BLTP1: variants seen among roughly 807,000 people sequenced by gnomAD.
BLTP1 encodes the protein bridge-like lipid transfer protein family member 1.
the BLTP1 span, chr4:122,208,079 G>A: frequency 1.3e-5 from 13 of 984,836 alleles, no homozygotes; most frequent in East Asian, 1.0e-3. Context: ...GAACATTTTT[G>A]GTATGGATAA....
At chr4:122,287,369 A>G in the BLTP1 span, among the ~76,000 whole-genome samples, 1 of 152,200 alleles carries the variant, frequency 6.6e-6, no homozygotes, top group African/African-American at 2.4e-5. Context: ...AAGCATTTGG[A>G]CACATTTTTC....
At chr4:122,313,189 G>A in the BLTP1 span, among the ~76,000 whole-genome samples, 1 of 152,086 alleles carries the variant, frequency 6.6e-6, no homozygotes, top group Non-Finnish European at 1.5e-5. Context: ...GATGAATCAT[G>A]TGTCTGACCT....
At chr4:122,232,229 C>G in the BLTP1 span, 11 of 592,168 alleles carry the variant, frequency 1.9e-5, no homozygotes, top group Non-Finnish European at 2.3e-5. Flanking sequence ...GAAAAATACA[C>G]AAAACTTCTG....
chr4:122,171,935 C>G, the BLTP1 span: 1 of 985,206 alleles, frequency 1.0e-6, no homozygotes, highest in Non-Finnish European at 1.2e-6. Context: ...CATATTTTCT[C>G]AGCAAATGCC....
chr4:122,159,282 T>G, the BLTP1 span, among the ~76,000 whole-genome samples: 25 of 151,900 alleles, frequency 1.6e-4, no homozygotes, highest in Non-Finnish European at 3.1e-4. Context: ...GCTAACATGG[T>G]GAAACCCCGT....
At chr4:122,253,975 G>A in the BLTP1 span, among the ~76,000 whole-genome samples, 1 of 152,150 alleles carries the variant, frequency 6.6e-6, no homozygotes, top group Non-Finnish European at 1.5e-5. Context: ...AATCTTTACA[G>A]GCCAGGAGAG....
the BLTP1 span, chr4:122,271,660 C>T: frequency 2.5e-6 from 4 of 1,608,308 alleles, no homozygotes; most frequent in African/African-American, 4.0e-5. Flanking sequence ...TGCTTAACTT[C>T]TATTCACTTA....
the BLTP1 span, chr4:122,244,617 G>A: frequency 1.0e-6 from 1 of 980,642 alleles, no homozygotes; most frequent in Non-Finnish European, 1.2e-6. Flanking sequence ...TGGTGTAGAA[G>A]CGGTTGGGAA....
chr4:122,166,448 C>G, the BLTP1 span, among the ~76,000 whole-genome samples: 2 of 152,136 alleles, frequency 1.3e-5, no homozygotes, highest in Non-Finnish European at 2.9e-5. Flanking sequence ...TGTTTTGGTA[C>G]CAGTACCATG....
At chr4:122,244,002 C>G in the BLTP1 span, 16 of 1,597,664 alleles carry the variant, frequency 1.0e-5, no homozygotes, top group African/African-American at 1.4e-5. Context: ...TGTTTTGACT[C>G]CCCTGGTGGC....
chr4:122,159,697 A>G, the BLTP1 span, among the ~76,000 whole-genome samples: 1 of 152,136 alleles, frequency 6.6e-6, no homozygotes, highest in South Asian at 2.1e-4. Flanking sequence ...GCATCTCTTC[A>G]AGGAAGAGAT....
At chr4:122,344,135 G>C in the BLTP1 span, 1 of 411,262 alleles carries the variant, frequency 2.4e-6, no homozygotes, top group Admixed American at 6.4e-5. Flanking sequence ...TATATTCCAC[G>C]TCAATTCTAG....
chr4:122,295,260 G>T, the BLTP1 span, among the ~76,000 whole-genome samples: 1 of 147,846 alleles, frequency 6.8e-6, no homozygotes, highest in South Asian at 2.1e-4. Flanking sequence ...GAAATGCAGA[G>T]AACCCCAGTA....
chr4:122,277,547 T>A, the BLTP1 span: 1 of 951,240 alleles, frequency 1.1e-6, no homozygotes, highest in Non-Finnish European at 1.3e-6. Context: ...GTTCTAGGCA[T>A]TGGAAAGAGC....
At chr4:122,186,135 G>A in the BLTP1 span, 1 of 1,612,428 alleles carries the variant, frequency 6.2e-7, no homozygotes, top group African/African-American at 1.3e-5. Flanking sequence ...GAGTTGTTTG[G>A]TTTGGAGCCA....
the BLTP1 span, chr4:122,349,144 T>G: frequency 6.3e-7 from 1 of 1,599,196 alleles, no homozygotes; most frequent in South Asian, 1.1e-5. The surrounding 1 kb of genome is among the most constrained non-coding windows in gnomAD (Gnocchi z 4.5). Flanking sequence ...AATAACCTTT[T>G]TTTCATTTTT....
the BLTP1 span, chr4:122,240,170 A>G: frequency 3.7e-6 from 6 of 1,614,180 alleles, no homozygotes; most frequent in Non-Finnish European, 5.1e-6. Context: ...TTACTCCGCA[A>G]CAACCCGTGA....
chr4:122,263,061 G>GTT, the BLTP1 span: 1 of 1,458,406 alleles, frequency 6.9e-7, no homozygotes, highest in South Asian at 1.3e-5. Flanking sequence ...AGTTTAGTTA[G>GTT]ATATATACTT....
the BLTP1 span, chr4:122,238,260 G>T: frequency 6.2e-7 from 1 of 1,614,098 alleles, no homozygotes; most frequent in Non-Finnish European, 8.5e-7. Context: ...TTGTTGGCTG[G>T]TGAAAAGGAA....
Sources: allele counts gnomAD v4.1 joint callset (sites outside exome capture counted in the v4.1 genomes callset), GRCh38; gene constraint gnomAD v4.1.1; non-coding constraint Gnocchi (gnomAD v3.1); transcripts MANE v1.5; gene names NCBI Gene and HGNC (gene_info 2026-07-23, HGNC 2026-07-21).